TUT4: variants seen among roughly 807,000 people sequenced by gnomAD.
The protein encoded by TUT4 is terminal uridylyl transferase 4.
Under a neutral mutation model 192.2 loss-of-function variants are expected in TUT4, and 36 were observed. That is an observed-to-expected ratio of 0.19 (90% CI 0.14 to 0.25). TUT4 has a LOEUF of 0.25. Ranked by LOEUF, TUT4 falls within the 10% of genes least tolerant of loss-of-function variation. The probability of loss-of-function intolerance (pLI) is 1.00; values close to 1 mark genes in which losing one functional copy is unlikely to be tolerated. For synonymous variants in TUT4, 618 were observed against 666.0 expected, an observed-to-expected ratio of 0.93 and a Z score of 1.11; for missense variants, 1,493 against 1,957.2, an observed-to-expected ratio of 0.76 and a Z score of 4.47.
intron 29 of TUT4, 152 bp downstream of exon 29, chr1:52,425,197 G>T: frequency 1.2e-6 from 1 of 848,008 alleles, no homozygotes; most frequent in East Asian, 2.8e-5. Flanking sequence ...TGTTTTACAA[G>T]CACCTAGCAC....
intron 11 of TUT4, among the ~76,000 whole-genome samples, chr1:52,478,115 T>C (rs1325340496): frequency 6.6e-6 from 1 of 152,126 alleles, no homozygotes; most frequent in South Asian, 2.1e-4. Flanking sequence ...TGGCTGCACA[T>C]TAGAATCATG....
chr1:52,530,083 T>C (rs1682942353), intron 1 of TUT4, among the ~76,000 whole-genome samples: 1 of 152,024 alleles, frequency 6.6e-6, no homozygotes, highest in Non-Finnish European at 1.5e-5. Context: ...GCTTAAGCAA[T>C]CCTCCTGCCT....
intron 4 of TUT4, among the ~76,000 whole-genome samples, chr1:52,500,711 G>A (rs1195910554): frequency 1.3e-5 from 2 of 152,146 alleles, no homozygotes; most frequent in East Asian, 1.9e-4. Context: ...GCAATGAGCC[G>A]AGATTGTGCC....
At chr1:52,487,948 G>A (rs76949398) in intron 9 of TUT4, among the ~76,000 whole-genome samples, 2,005 of 152,268 alleles carry the variant, frequency 0.013, 47 homozygotes, top group African/African-American at 0.047. Context: ...ATGTATGGCA[G>A]CTGGTAATCA....
At chr1:52,510,652 T>C (rs1480502938) in intron 3 of TUT4, among the ~76,000 whole-genome samples, 3 of 152,226 alleles carry the variant, frequency 2.0e-5, no homozygotes, top group Non-Finnish European at 2.9e-5. Context: ...AAAATACTAA[T>C]AAAACTTAGT....
chr1:52,466,133 A>G (rs1210623340), intron 15 of TUT4, among the ~76,000 whole-genome samples: 1 of 152,172 alleles, frequency 6.6e-6, no homozygotes, highest in African/African-American at 2.4e-5. Flanking sequence ...CTGATGCTCT[A>G]CTTGAAATTT....
chr1:52,465,734 T>A (rs181411123), intron 15 of TUT4, among the ~76,000 whole-genome samples: 1 of 152,346 alleles, frequency 6.6e-6, no homozygotes, highest in Admixed American at 6.5e-5. Context: ...TAGTATACGA[T>A]GCTCTTCCAA....
intron 13 of TUT4, 91 bp downstream of exon 13, chr1:52,474,741 T>C: frequency 8.9e-7 from 1 of 1,122,044 alleles, no homozygotes; most frequent in African/African-American, 1.6e-5. Flanking sequence ...CACCACTTTA[T>C]ATAGCTATTT....
intron 20 of TUT4, 69 bp downstream of exon 20, chr1:52,458,267 G>A: frequency 1.7e-6 from 2 of 1,180,866 alleles, no homozygotes; most frequent in Non-Finnish European, 1.2e-6. Flanking sequence ...CATGAACCAA[G>A]CAAAATCTCC....
intron 12 of TUT4, 77 bp downstream of exon 12, chr1:52,477,630 AG>A (rs1447228060): frequency 7.3e-7 from 1 of 1,376,276 alleles, no homozygotes; most frequent in African/African-American, 1.5e-5. Flanking sequence ...ACAAAGCCAA[AG>A]GATTATTAAC....
chr1:52,477,105 G>T (rs1345288377), intron 12 of TUT4, among the ~76,000 whole-genome samples: 2 of 152,058 alleles, frequency 1.3e-5, no homozygotes, highest in Non-Finnish European at 2.9e-5. Flanking sequence ...TATTCAAAAA[G>T]ATCTTATATT....
At chr1:52,495,646 A>T in intron 5 of TUT4, 131 bp from the exon 6 acceptor site, 1 of 569,906 alleles carries the variant, frequency 1.8e-6, no homozygotes, top group South Asian at 2.8e-5. Context: ...TTATACAAGA[A>T]GAACACCCTT....
intron 20 of TUT4, among the ~76,000 whole-genome samples, chr1:52,454,526 G>A (rs554455046): frequency 2.0e-5 from 3 of 152,244 alleles, no homozygotes; most frequent in South Asian, 4.1e-4. Context: ...ACATCCACAC[G>A]CAAAACAATG....
intron 2 of TUT4, among the ~76,000 whole-genome samples, chr1:52,518,988 G>C (rs904221832): frequency 1.2e-4 from 19 of 152,098 alleles, no homozygotes; most frequent in African/African-American, 4.6e-4. Context: ...CTTAAATATA[G>C]AGTTAGCATA....
chr1:52,546,984 A>C (rs568945543), intron 1 of TUT4, among the ~76,000 whole-genome samples: 2 of 151,840 alleles, frequency 1.3e-5, no homozygotes, highest in South Asian at 4.2e-4. Flanking sequence ...TAAATAAATC[A>C]ATCAAAAAAA....
intron 1 of TUT4, among the ~76,000 whole-genome samples, chr1:52,552,378 G>A (rs1016245573): frequency 6.6e-6 from 1 of 152,140 alleles, no homozygotes; most frequent in Admixed American, 6.5e-5. Context: ...GGGGGAGAGA[G>A]AAGGCGGGCG....
At chr1:52,466,887 G>A (rs1227101515) in intron 15 of TUT4, among the ~76,000 whole-genome samples, 1 of 151,780 alleles carries the variant, frequency 6.6e-6, no homozygotes, top group Non-Finnish European at 1.5e-5. Flanking sequence ...GACTCGTCTC[G>A]AACTCCTGAC....
intron 20 of TUT4, among the ~76,000 whole-genome samples, chr1:52,447,564 AAGG>A (rs1019248065): frequency 3.9e-5 from 6 of 152,148 alleles, no homozygotes; most frequent in Admixed American, 2.6e-4. Context: ...CCGCTGTCCT[AAGG>A]AGAAGAAAAA....
chr1:52,448,691 G>C (rs921722001), intron 20 of TUT4, among the ~76,000 whole-genome samples: 1 of 151,882 alleles, frequency 6.6e-6, no homozygotes, highest in African/African-American at 2.4e-5. Context: ...AGATATTAAG[G>C]GGCTGACATG....
Sources: gnomAD v4.1 joint callset for allele counts (sites outside exome capture counted in the v4.1 genomes callset) on GRCh38, gnomAD v4.1.1 for gene constraint, MANE v1.5 for transcripts, NCBI Gene and HGNC (gene_info 2026-07-23, HGNC 2026-07-21) for gene names.